Variants in COL20A1 observed in about 807,000 individuals in gnomAD.
COL20A1 encodes the protein collagen alpha-1(XX) chain.
Under a neutral mutation model 152.9 loss-of-function variants are expected in COL20A1, and 164 were observed. The observed-to-expected ratio is 1.07, with a 90% confidence interval of 0.94 to 1.22. COL20A1 has a LOEUF of 1.22. COL20A1 is among the 50% of genes most tolerant of loss of function. The probability of loss-of-function intolerance (pLI) is 0.00; values close to 1 mark genes in which losing one functional copy is unlikely to be tolerated. For synonymous variants in COL20A1, 864 were observed against 756.0 expected, an observed-to-expected ratio of 1.14 and a Z score of -2.34; for missense variants, 1,873 against 1,744.8, an observed-to-expected ratio of 1.07 and a Z score of -1.31.
chr20:63,302,985 A>C (rs1284680931), intron 3 of COL20A1, among the ~76,000 whole-genome samples: 1 of 152,220 alleles, frequency 6.6e-6, no homozygotes, highest in Admixed American at 6.5e-5. Flanking sequence ...CTGGCGGTAC[A>C]TAATGTCTGG....
Position 63,311,865 on chromosome 20 carries a change from C to T in COL20A1, c.1664-51C>T. On this transcript the variant is annotated intron_variant, in intron 13 of 35. Transcript: ENST00000358894. The surrounding 1 kb of genome is among the most constrained non-coding windows in gnomAD (Gnocchi z 4.4). Reference sequence around the variant, plus strand: ...GGTCCCAGCCACTGCCCACCCTTGCCCCTGCCATGGAGGCCGCGTGCTGGC... The same window carrying T: ...GGTCCCAGCCACTGCCCACCCTTGCTCCTGCCATGGAGGCCGCGTGCTGGC... The T allele has an allele frequency of 6.6e-7, 1 of 1,508,728 alleles. No homozygotes were observed. Among genetic ancestry groups the T allele is most frequent in the Non-Finnish European group, 8.9e-7 (1 of 1,129,454 alleles). The allele number at this position is 1,508,728 out of a possible 1,614,324, so 93.5% of individuals were successfully genotyped here. A position where few individuals can be genotyped will look rare whatever the true frequency, so the allele number is the denominator to read the frequency against.
At chr20:63,309,729 C>T in intron 9 of COL20A1, 29 bp from the exon 10 acceptor site, 10 of 1,526,712 alleles carry the variant, frequency 6.6e-6, no homozygotes, top group Non-Finnish European at 8.8e-6. Flanking sequence ...GCAGTGACCA[C>T]CTGCCCCCCA....
At chr20:63,302,610 C>T (rs565297577) in intron 3 of COL20A1, among the ~76,000 whole-genome samples, 12 of 152,072 alleles carry the variant, frequency 7.9e-5, no homozygotes, top group Admixed American at 2.0e-4. Context: ...CGTGAGTCAC[C>T]GCGCCTGGTC....
At chr20:63,323,263 G>A (rs974953675) in intron 27 of COL20A1, among the ~76,000 whole-genome samples, 2 of 152,222 alleles carry the variant, frequency 1.3e-5, no homozygotes, top group Non-Finnish European at 2.9e-5. Context: ...CCAGCCCTGT[G>A]TCTGTGATGT....
At position 63,312,232 on chromosome 20, in the gene COL20A1, G is replaced by T. The variant is rs78240195; in HGVS notation, c.1803+177G>T. On this transcript the variant is annotated intron_variant, in intron 14 of 35. Coordinates refer to ENST00000358894, the MANE Select transcript of COL20A1 (RefSeq NM_020882.4). ...GGGTGTGGGGTCTGGGGGGAACCAG[G>T]CTGGGGAGGCCCACCCCAGCCGTCC... is the stretch of plus-strand genomic sequence containing the variant. Among the ~76,000 whole-genome samples the T allele has an allele frequency of 4.9e-3, 748 of 152,250 alleles. 11 individuals carry two copies. Among genetic ancestry groups the T allele is most frequent in the African/African-American group, 0.017 (716 of 41,542 alleles).
chr20:63,326,134 A>C lies in COL20A1; in HGVS notation c.3441A>C (p.Gly1147=), dbSNP rs1320162179. ...TGGAGGGAACTGCTGGCCTGCCTGG[A>C]CCCCCTGGCCCCAGGGTAGGCACCG... The part of the protein sequence containing the change: ...RGLEGTAGLP[G]PPGPRGFQGM... Residue 1147 remains glycine (G), a synonymous_variant, in exon 30 of 36, where the codon GGA becomes GGC. Transcript: ENST00000358894. 5.6e-6 allele frequency: 9 copies of C among 1,611,066 alleles called. No individual in the cohort carries two copies. Among genetic ancestry groups the C allele is most frequent in the African/African-American group, 4.0e-5 (3 of 74,514 alleles).
rs561585740 is a variant in COL20A1 at position 63,330,738 on chromosome 20, C to T, written c.*22C>T. The T allele has an allele frequency of 1.3e-5, 2 of 152,396 alleles. No individual in the cohort carries two copies. Among genetic ancestry groups the T allele is most frequent in the African/African-American group, 4.8e-5 (2 of 41,578 alleles). The allele number at this position is 152,396 out of a possible 1,614,324, so 9.4% of individuals were successfully genotyped here. ...CTGCCAGGACATTTTCTGCACTGCC[C>T]CGAGGAACGCTGAGCCTTCCTCCCT... is the stretch of plus-strand genomic sequence containing the variant. On this transcript the variant is annotated 3_prime_UTR_variant, in exon 36 of 36. Coordinates refer to ENST00000358894, the MANE Select transcript of COL20A1 (RefSeq NM_020882.4).
chr20:63,329,501 G>GA (rs879935312), intron 34 of COL20A1, 84 bp from the exon 35 acceptor site: 14 of 1,058,710 alleles, frequency 1.3e-5, no homozygotes, highest in African/African-American at 1.3e-4. Context: ...CCAGGGAGGG[G>GA]CCCTGACACC....
chr20:63,297,153 C>A (rs980077215), intron 2 of COL20A1, among the ~76,000 whole-genome samples: 2 of 152,234 alleles, frequency 1.3e-5, no homozygotes, highest in African/African-American at 4.8e-5. Context: ...CCCACACTCC[C>A]CACTGAGGCG....
intron 27 of COL20A1, among the ~76,000 whole-genome samples, chr20:63,323,531 T>TGGGGAGGACAGAGGAC (rs931867978): frequency 2.6e-5 from 4 of 152,158 alleles, no homozygotes; most frequent in African/African-American, 7.2e-5. Flanking sequence ...GTTACAGCAC[T>TGGGGAGGACAGAGGAC]GGGGAGGACA....
chr20:63,305,944 C>G lies in COL20A1; in HGVS notation c.401C>G (p.Pro134Arg). Residue 134 changes from proline (P) to arginine (R), a missense_variant, in exon 5 of 36, where the codon CCG becomes CGG. Coordinates refer to ENST00000358894, the MANE Select transcript of COL20A1 (RefSeq NM_020882.4). This position sits in a 1 kb window ranked among gnomAD's most constrained non-coding sequence, Gnocchi z 4.9. ...SSQRPLGSGA[P>R]EPTPSHTGSP... Reference sequence around the variant, plus strand: ...CAGAGGCCCCTCGGCTCTGGAGCCCCGGAGCCCACCCCCTCCCACACGGGG... The same window carrying G: ...CAGAGGCCCCTCGGCTCTGGAGCCCGGGAGCCCACCCCCTCCCACACGGGG... The G allele has an allele frequency of 6.2e-7, 1 of 1,612,502 alleles. No individual in the cohort carries two copies. The highest frequency in any genetic ancestry group is 8.5e-7 in the Non-Finnish European group (1 of 1,179,664).
At position 63,310,513 on chromosome 20, in the gene COL20A1, A is replaced by C; in HGVS notation, c.1393+3A>C. ...CCTGCGGGGCCTGGTGACCACAGGT[A>C]GGTGGGGCAGAGGCAGCGGCCAGGT... On this transcript the variant is annotated splice_donor_region_variant and intron_variant, in intron 11 of 35. Transcript: ENST00000358894. 6.3e-7 allele frequency: 1 copy of C among 1,589,606 alleles called. No individual in the cohort carries two copies. Among genetic ancestry groups the C allele is most frequent in the Non-Finnish European group, 8.6e-7 (1 of 1,168,380 alleles).
In COL20A1 at chr20:63,295,152, G is replaced by A; in HGVS notation, c.45G>A (p.Leu15=). Residue 15 remains leucine (L), a synonymous_variant, in exon 2 of 36, where the codon CTG becomes CTA. Coordinates refer to ENST00000358894, the MANE Select transcript of COL20A1 (RefSeq NM_020882.4). ...CACACCTCGGCCTCTGCCTCTGGCT[G>A]TGGCTGGGCGCCACCCTGGGAAGAG... ...DPAHLGLCLW[L]WLGATLGREQ... 1.3e-6 allele frequency: 2 copies of A among 1,555,210 alleles called. No individual in the cohort carries two copies. The highest frequency in any genetic ancestry group is 1.2e-5 in the South Asian group (1 of 84,224).
At chr20:63,326,700 G>A (rs923639364) in intron 30 of COL20A1, 52 bp from the exon 31 acceptor site, 4 of 1,259,762 alleles carry the variant, frequency 3.2e-6, no homozygotes, top group Non-Finnish European at 4.2e-6. Flanking sequence ...GCTGAAGTGG[G>A]AGCAGATTTG....
intron 26 of COL20A1, among the ~76,000 whole-genome samples, chr20:63,321,780 C>T (rs1156436035): frequency 1.3e-5 from 2 of 152,170 alleles, no homozygotes; most frequent in African/African-American, 2.4e-5. Context: ...GCTCTGGGAC[C>T]GGTCAAGCAC....
At position 63,310,428 on chromosome 20, in the gene COL20A1, C is replaced by T; in HGVS notation, c.1311C>T (p.Ala437=). 1 of 1,610,594 alleles carries T rather than the reference C, an allele frequency of 6.2e-7. No individual in the cohort carries two copies. The highest frequency in any genetic ancestry group is 8.5e-7 in the Non-Finnish European group (1 of 1,179,086). ...PAASTELHNL[A]SRTEYLVSVF... is the part of the protein sequence containing the mutation. ...CCTCCACGGAGCTGCACAACCTGGC[C>T]TCCCGCACAGAGTACCTGGTCTCCG... The change falls in exon 11 of 36, where the codon GCC becomes GCT. Residue 437 remains alanine (A), a synonymous_variant. Transcript: ENST00000358894.
At chr20:63,325,984 C>T in intron 29 of COL20A1, 112 bp from the exon 30 acceptor site, 5 of 999,580 alleles carry the variant, frequency 5.0e-6, no homozygotes, top group Non-Finnish European at 7.8e-6. Context: ...AGCTGCCTCA[C>T]CTTTGCTGCT....
In COL20A1 at chr20:63,305,692, C is replaced by T. The variant is rs959597699; in HGVS notation, c.337+132C>T. On this transcript the variant is annotated intron_variant, in intron 4 of 35. Coordinates refer to ENST00000358894, the MANE Select transcript of COL20A1 (RefSeq NM_020882.4). The surrounding 1 kb of genome is among the most constrained non-coding windows in gnomAD (Gnocchi z 4.9). ...TGGGTATGTGTGAAGCAGTTCTGGG[C>T]TGTGCTAGGGGCAGGTTCAAGTCCC... 4.4e-5 allele frequency: 52 copies of T among 1,194,086 alleles called. No homozygotes were observed. The highest frequency in any genetic ancestry group is 5.6e-5 in the Non-Finnish European group (48 of 860,734). The allele number at this position is 1,194,086 out of a possible 1,614,324, so 74.0% of individuals were successfully genotyped here. A position where few individuals can be genotyped will look rare whatever the true frequency, so the allele number is the denominator to read the frequency against.
In COL20A1 at chr20:63,319,591, C is replaced by T. The variant is rs1199337020; in HGVS notation, c.2911C>T (p.His971Tyr). The change falls in exon 23 of 36, where the codon CAC (histidine) becomes TAC (tyrosine). Residue 971 changes from histidine (H) to tyrosine (Y), a missense_variant. His to Tyr is a moderately conservative substitution (Grantham distance 83). Coordinates refer to ENST00000358894, the MANE Select transcript of COL20A1 (RefSeq NM_020882.4). The surrounding 1 kb of genome is among the most constrained non-coding windows in gnomAD (Gnocchi z 4.4). ...EVRKIFFGSF[H>Y]KVHVAVGRSK... The stretch of plus-strand genomic sequence containing the variant: ...GAGGAAGATTTTCTTCGGGAGCTTC[C>T]ACAAGGTCCTGGTGCAGCTCGCGCC... The T allele has an allele frequency of 6.4e-7, 1 of 1,573,876 alleles. No homozygotes were observed. Among genetic ancestry groups the T allele is most frequent in the Non-Finnish European group, 8.6e-7 (1 of 1,159,824 alleles).
Sources: gnomAD v4.1 joint callset for allele counts (sites outside exome capture counted in the v4.1 genomes callset) on GRCh38, gnomAD v4.1.1 for gene constraint, Gnocchi (gnomAD v3.1) non-coding constraint, MANE v1.5 for transcripts, NCBI Gene and HGNC (gene_info 2026-07-23, HGNC 2026-07-21) for gene names.